TSBP1: variants seen among roughly 807,000 people sequenced by gnomAD.
The protein encoded by TSBP1 is testis expressed basic protein 1, also known as testis-expressed basic protein 1.
Under a neutral mutation model 68.8 loss-of-function variants are expected in TSBP1, and 56 were observed. The observed-to-expected ratio is 0.81, with a 90% CI of 0.66 to 1.02. The LOEUF (loss-of-function observed/expected upper bound fraction) is 1.02, where lower values mean the gene tolerates loss of function less well. Among genes scored for constraint, TSBP1 ranks in the 50% least tolerant of loss-of-function variants. TSBP1 has a pLI of 0.00. For synonymous variants in TSBP1, 171 were observed against 208.7 expected, an observed-to-expected ratio of 0.82 and a Z score of 1.56; for missense variants, 502 against 641.2, an observed-to-expected ratio of 0.78 and a Z score of 2.34.
At chr6:32,359,926 A>G (rs1233575370) in intron 6 of TSBP1, among the ~76,000 whole-genome samples, 3 of 152,064 alleles carry the variant, frequency 2.0e-5, no homozygotes, top group African/African-American at 7.2e-5. Context: ...TAAAAATTAT[A>G]TATATTTAAG....
At chr6:32,366,352 C>A in intron 4 of TSBP1, 50 bp from the exon 5 acceptor site, 1 of 1,509,758 alleles carries the variant, frequency 6.6e-7, no homozygotes. Flanking sequence ...ACAAGTGAGT[C>A]TATATTATTT....
intron 1 of TSBP1, among the ~76,000 whole-genome samples, chr6:32,370,562 G>T (rs1774292813): frequency 6.6e-6 from 1 of 151,766 alleles, no homozygotes; most frequent in South Asian, 2.1e-4. Flanking sequence ...ACTGAAGGTG[G>T]TTTTATTAAT....
intron 21 of TSBP1, among the ~76,000 whole-genome samples, chr6:32,300,301 A>G (rs116298493): frequency 0.046 from 7,009 of 151,912 alleles, 362 homozygotes; most frequent in African/African-American, 0.13. Context: ...TATATTGTTG[A>G]TCAATTACCA....
At chr6:32,370,249 A>G (rs945740234) in intron 1 of TSBP1, among the ~76,000 whole-genome samples, 1 of 151,944 alleles carries the variant, frequency 6.6e-6, no homozygotes, top group Non-Finnish European at 1.5e-5. Context: ...GAAATCTGAC[A>G]GATTTCCTCC....
chr6:32,360,772 G>C (rs114360160), intron 6 of TSBP1, among the ~76,000 whole-genome samples: 5,939 of 152,142 alleles, frequency 0.039, 332 homozygotes, highest in African/African-American at 0.12. Flanking sequence ...TTGATGATTA[G>C]TGATATTGTG....
Position 32,365,988 on chromosome 6 carries a change from G to A in TSBP1, c.217+179C>T. The A allele has an allele frequency of 1.1e-6, 1 of 945,596 alleles. No individual in the cohort carries two copies. The highest frequency in any genetic ancestry group is 1.6e-6 in the Non-Finnish European group (1 of 606,128). 58.6% of individuals were successfully genotyped at this position (945,596 alleles called of 1,614,324 possible). The stretch of plus-strand genomic sequence containing the variant: ...TAGGAGAGGAATTGCATAGCTTTGG[G>A]GAAAATGGTGCCTCATAGCGTGATG... On this transcript the variant is annotated intron_variant, in intron 6 of 22. Transcript: ENST00000612031. This position sits in a 1 kb window ranked among gnomAD's most constrained non-coding sequence, Gnocchi z 4.3.
At position 32,336,499 on chromosome 6, in the gene TSBP1, C is replaced by T. The variant is rs957805237; in HGVS notation, c.430+116G>A. On this transcript the variant is annotated intron_variant, in intron 12 of 22. Coordinates refer to ENST00000612031, the Ensembl canonical transcript of TSBP1. This position sits in a 1 kb window ranked among gnomAD's most constrained non-coding sequence, Gnocchi z 5.2. ...ATTAGCAAACCTGCATATGCACCAC[C>T]GGAATCTAAAATAAAAGTTGAAATT... is the stretch of plus-strand genomic sequence containing the variant. The T allele has an allele frequency of 3.0e-5, 26 of 869,930 alleles. No homozygotes were observed. The Admixed American group carries it at 3.5e-4, about 12-fold the overall frequency. The allele number at this position is 869,930 out of a possible 1,614,324, so 53.9% of individuals were successfully genotyped here.
At position 32,336,956 on chromosome 6, in the gene TSBP1, C is replaced by A. The variant is rs1280968275; in HGVS notation, c.410-321G>T. On this transcript the variant is annotated intron_variant, in intron 11 of 22. Coordinates refer to ENST00000612031, the Ensembl canonical transcript of TSBP1. The surrounding 1 kb of genome is among the most constrained non-coding windows in gnomAD (Gnocchi z 5.2). ...AGGATATTGTGTCTGATTGCTTGGG[C>A]ATCAGAAGGTGTCAGAAGATTTGAA... 6.9e-6 allele frequency among the ~76,000 whole-genome samples: 1 copy of A among 145,494 alleles called. No individual in the cohort carries two copies. Among genetic ancestry groups the A allele is most frequent in the Non-Finnish European group, 1.5e-5 (1 of 65,064 alleles).
intron 14 of TSBP1, 50 bp from the exon 16 acceptor site, chr6:32,332,104 A>G (rs1769099528): frequency 7.2e-7 from 1 of 1,380,234 alleles, no homozygotes; most frequent in Non-Finnish European, 1.0e-6. Flanking sequence ...TGGAGAGTGT[A>G]TTTTTCACTA....
chr6:32,367,853 G>T, intron 4 of TSBP1, 72 bp downstream of exon 4: 1 of 1,114,120 alleles, frequency 9.0e-7, no homozygotes, highest in Non-Finnish European at 1.3e-6. Context: ...ATGCTCAAAT[G>T]GAGATGAGTT....
chr6:32,326,097 A>G (rs1282109744), intron 16 of TSBP1: 2 of 1,400,718 alleles, frequency 1.4e-6, no homozygotes, highest in Non-Finnish European at 1.0e-6. Flanking sequence ...GTGGAGGCCA[A>G]TACTTTGCCA....
chr6:32,295,349 CAAAAAAAAAA>C (rs3038432), intron 22 of TSBP1, among the ~76,000 whole-genome samples: 2 of 90,844 alleles, frequency 2.2e-5, no homozygotes, highest in South Asian at 3.6e-4. Context: ...CACACACACA[CAAAAAAAAAA>C]AAAAAAAAAA....
intron 6 of TSBP1, among the ~76,000 whole-genome samples, chr6:32,360,883 C>CTT (rs35899943): frequency 1.2e-3 from 181 of 150,408 alleles, no homozygotes; most frequent in African/African-American, 3.1e-3. Flanking sequence ...TTCTCTCTCT[C>CTT]TTTTTTTTTA....
chr6:32,339,017 A>C lies in TSBP1; in HGVS notation c.389-18T>G. On this transcript the variant is annotated intron_variant, in intron 10 of 22. Transcript: ENST00000612031. ...AGTTCTGGCTAAAATACAAACAAAAAAGGTGAGTTTGAAGAGAGCATGACT... is the reference window on the plus strand; with the variant it reads ...AGTTCTGGCTAAAATACAAACAAAACAGGTGAGTTTGAAGAGAGCATGACT... 1 of 1,609,070 alleles carries C rather than the reference A, an allele frequency of 6.2e-7. No homozygotes were observed. Among genetic ancestry groups the C allele is most frequent in the Non-Finnish European group, 8.5e-7 (1 of 1,176,460 alleles).
At position 32,325,156 on chromosome 6, in the gene TSBP1, T is replaced by C; in HGVS notation, c.515-1542A>G. On this transcript the variant is annotated intron_variant, in intron 16 of 22. Coordinates refer to ENST00000612031, the Ensembl canonical transcript of TSBP1. The surrounding 1 kb of genome is among the most constrained non-coding windows in gnomAD (Gnocchi z 4.4). ...TAGAAACTTATTAATAATTTATTTA[T>C]GCCTTTCTGCCCATGGATGCCATGG... The C allele has an allele frequency of 3.9e-6, 2 of 511,368 alleles. No individual in the cohort carries two copies. The highest frequency in any genetic ancestry group is 2.9e-5 in the East Asian group (1 of 34,000). The allele number at this position is 511,368 out of a possible 1,614,324, so 31.7% of individuals were successfully genotyped here. A position where few individuals can be genotyped will look rare whatever the true frequency, so the allele number is the denominator to read the frequency against.
chr6:32,314,807 T>C lies in TSBP1; in HGVS notation c.580+965A>G, dbSNP rs1458474584. Among the ~76,000 whole-genome samples, 2 of 152,188 alleles carry C rather than the reference T, an allele frequency of 1.3e-5. No homozygotes were observed. The highest frequency in any genetic ancestry group is 4.8e-5 in the African/African-American group (2 of 41,442). On this transcript the variant is annotated intron_variant, in intron 19 of 22. Coordinates refer to ENST00000612031, the Ensembl canonical transcript of TSBP1. The surrounding 1 kb of genome is among the most constrained non-coding windows in gnomAD (Gnocchi z 4.2). ...CATAGATGTCTTTCATGTTTAAAAA[T>C]TGGAAAATTTTACCTACTATCTGGA...
intron 9 of TSBP1, among the ~76,000 whole-genome samples, chr6:32,348,497 T>G (rs1771325430): frequency 7.7e-6 from 1 of 130,324 alleles, no homozygotes; most frequent in African/African-American, 2.6e-5. Flanking sequence ...ATTTTAAGAT[T>G]TTCAAATTAC....
intron 2 of TSBP1, 36 bp from the exon 3 acceptor site, chr6:32,368,850 A>G: frequency 6.3e-7 from 1 of 1,577,052 alleles, no homozygotes; most frequent in Non-Finnish European, 8.6e-7. Flanking sequence ...TTTATTAGTT[A>G]CTTAGGAGAA....
intron 6 of TSBP1, among the ~76,000 whole-genome samples, chr6:32,358,664 G>A (rs1275246910): frequency 3.3e-5 from 5 of 152,084 alleles, no homozygotes; most frequent in Non-Finnish European, 7.4e-5. Flanking sequence ...AACATGAGGT[G>A]TTTGATTTTT....
Sources: gnomAD v4.1 joint callset for allele counts (sites outside exome capture counted in the v4.1 genomes callset) on GRCh38, gnomAD v4.1.1 for gene constraint, Gnocchi (gnomAD v3.1) non-coding constraint, MANE v1.5 for transcripts, NCBI Gene and HGNC (gene_info 2026-07-23, HGNC 2026-07-21) for gene names.